Variants in APIP observed in about 807,000 individuals in gnomAD.
The protein encoded by APIP is methylthioribulose-1-phosphate dehydratase.
In APIP, 32 loss-of-function variants were observed where a neutral mutation model predicts 32.0. The observed-to-expected ratio is 1.00, with a 90% confidence interval of 0.76 to 1.34. The LOEUF (loss-of-function observed/expected upper bound fraction) is 1.34. Ranked by LOEUF, APIP falls within the 40% of genes most tolerant of loss-of-function variation. The probability of loss-of-function intolerance (pLI) is 0.00; values close to 1 mark genes in which losing one functional copy is unlikely to be tolerated. For missense variants in APIP, 247 were observed against 298.6 expected (o/e 0.83, Z 1.27); for synonymous variants, 92 against 94.8 (o/e 0.97, Z 0.17).
intron 5 of APIP, among the ~76,000 whole-genome samples, chr11:34,885,979 A>G (rs1458909189): frequency 6.6e-6 from 1 of 152,170 alleles, no homozygotes; most frequent in African/African-American, 2.4e-5. Flanking sequence ...ACATACAATT[A>G]TTACAGTATG....
chr11:34,898,785 G>GTT (rs1458148861), intron 1 of APIP, among the ~76,000 whole-genome samples: 11 of 92,112 alleles, frequency 1.2e-4, no homozygotes, highest in African/African-American at 3.5e-4. Context: ...TTCTTTCTTT[G>GTT]GTTTTTTTTT....
intron 2 of APIP, among the ~76,000 whole-genome samples, chr11:34,894,129 CTTTA>C (rs1853227098): frequency 6.6e-6 from 1 of 152,136 alleles, no homozygotes; most frequent in Non-Finnish European, 1.5e-5. Flanking sequence ...CTAATACTTA[CTTTA>C]TTTCTTCATC....
intron 1 of APIP, among the ~76,000 whole-genome samples, chr11:34,897,672 T>C (rs1309841924): frequency 6.6e-6 from 1 of 152,146 alleles, no homozygotes; most frequent in Non-Finnish European, 1.5e-5. Context: ...TGCCAGCCAT[T>C]AGAAACCGGG....
intron 5 of APIP, among the ~76,000 whole-genome samples, chr11:34,886,243 T>A (rs1184308157): frequency 1.3e-5 from 2 of 151,952 alleles, no homozygotes. Flanking sequence ...TGGAAGGCAG[T>A]GATATTGATG....
intron 6 of APIP, 82 bp from the exon 7 acceptor site, chr11:34,882,898 G>A: frequency 2.1e-6 from 2 of 975,472 alleles, no homozygotes; most frequent in South Asian, 1.6e-5. Context: ...CTCCTCTCTT[G>A]CAGTTAACTC....
chr11:34,887,801 A>G (rs1348911628), intron 5 of APIP, among the ~76,000 whole-genome samples: 1 of 152,186 alleles, frequency 6.6e-6, no homozygotes, highest in Non-Finnish European at 1.5e-5. Context: ...ATGGTAATCT[A>G]TACTTACTAT....
intron 1 of APIP, among the ~76,000 whole-genome samples, chr11:34,913,576 C>T (rs755404792): frequency 1.3e-5 from 2 of 152,122 alleles, no homozygotes; most frequent in South Asian, 2.1e-4. Flanking sequence ...CAGACCTTCG[C>T]AGGGAGTGTT....
chr11:34,887,424 T>C (rs1438862418), intron 5 of APIP, among the ~76,000 whole-genome samples: 1 of 152,208 alleles, frequency 6.6e-6, no homozygotes, highest in African/African-American at 2.4e-5. Context: ...TTAACTTTTG[T>C]AAACAGGTGT....
At chr11:34,905,298 TACA>T (rs138755734) in intron 1 of APIP, among the ~76,000 whole-genome samples, 90,227 of 151,788 alleles carry the variant, frequency 0.59, 28,003 homozygotes, top group East Asian at 0.74. Context: ...GGTCCATTTG[TACA>T]ACAAGACTAA....
At chr11:34,914,114 G>T (rs984690) in intron 1 of APIP, among the ~76,000 whole-genome samples, 120,269 of 152,126 alleles carry the variant, frequency 0.79, 47,702 homozygotes, top group East Asian at 0.83. Context: ...TACTTTCACT[G>T]TTTCCTGAGG....
intron 1 of APIP, among the ~76,000 whole-genome samples, chr11:34,897,540 T>G (rs12272965): frequency 6.6e-6 from 1 of 151,820 alleles, no homozygotes; most frequent in African/African-American, 2.4e-5. Flanking sequence ...GGTTTTGTTT[T>G]CTTTTAATAA....
At position 34,882,818 on chromosome 11, in the gene APIP, TG is replaced by T; in HGVS notation, c.630-3del. ...AATAAATAGTCATAACACTCACACC[TG>T]TAAAAGAAAAAGCAAAAAGAACCAG... On this transcript the variant is annotated splice_polypyrimidine_tract_variant and splice_region_variant and intron_variant, in intron 6 of 6. Transcript: ENST00000395787. 6.3e-7 allele frequency: 1 copy of T among 1,595,694 alleles called. No homozygotes were observed. Among genetic ancestry groups the T allele is most frequent in the African/African-American group, 1.3e-5 (1 of 74,316 alleles).
chr11:34,902,976 T>C (rs1343393161), intron 1 of APIP, among the ~76,000 whole-genome samples: 1 of 102,510 alleles, frequency 9.8e-6, no homozygotes, highest in Non-Finnish European at 1.9e-5. Flanking sequence ...TCCTGGGAAA[T>C]GATTTAACTG....
At chr11:34,914,961 G>A (rs1267376949) in intron 1 of APIP, among the ~76,000 whole-genome samples, 1 of 133,378 alleles carries the variant, frequency 7.5e-6, no homozygotes, top group Non-Finnish European at 1.5e-5. Context: ...CTGAGATCAC[G>A]CCACTGCACT....
At chr11:34,911,834 T>C (rs1853556941) in intron 1 of APIP, among the ~76,000 whole-genome samples, 1 of 152,158 alleles carries the variant, frequency 6.6e-6, no homozygotes, top group Non-Finnish European at 1.5e-5. Flanking sequence ...CCCCTCCCTC[T>C]ATACTTGCAA....
chr11:34,897,206 A>C (rs191501907), intron 1 of APIP, among the ~76,000 whole-genome samples: 1 of 152,388 alleles, frequency 6.6e-6, no homozygotes, highest in Admixed American at 6.5e-5. Context: ...AAACTTCAAA[A>C]TATAAAATTA....
intron 1 of APIP, among the ~76,000 whole-genome samples, chr11:34,904,659 C>T (rs577887363): frequency 2.6e-5 from 4 of 152,274 alleles, no homozygotes; most frequent in Admixed American, 1.3e-4. Context: ...TCTGTTTAAC[C>T]CAGGAGATTT....
intron 5 of APIP, among the ~76,000 whole-genome samples, chr11:34,885,957 T>TA (rs1351906544): frequency 1.3e-5 from 2 of 152,212 alleles, no homozygotes; most frequent in Non-Finnish European, 2.9e-5. Flanking sequence ...GCTAGCTGTA[T>TA]AAAAGTACAG....
At chr11:34,913,518 G>A (rs917588938) in intron 1 of APIP, among the ~76,000 whole-genome samples, 12 of 152,242 alleles carry the variant, frequency 7.9e-5, no homozygotes, top group African/African-American at 2.6e-4. Context: ...CAGGTTGTTC[G>A]TTCCTCCCGG....
Sources: allele counts gnomAD v4.1 joint callset (sites outside exome capture counted in the v4.1 genomes callset), GRCh38; gene constraint gnomAD v4.1.1; transcripts MANE v1.5; gene names NCBI Gene and HGNC (gene_info 2026-07-23, HGNC 2026-07-21).